The following POLD1 variants were observed in gnomAD, a reference collection of about 807,000 sequenced individuals.
POLD1 encodes DNA polymerase delta catalytic subunit.
Under a neutral mutation model 129.7 loss-of-function variants are expected in POLD1, and 79 were observed. The observed-to-expected ratio is 0.61, with a 90% confidence interval of 0.51 to 0.73. The LOEUF is 0.73. Ranked by LOEUF, POLD1 falls within the 30% of genes least tolerant of loss-of-function variation. The pLI, the probability that POLD1 is intolerant of heterozygous loss-of-function variation, is 0.00. For synonymous variants in POLD1, 714 were observed against 683.3 expected (o/e 1.04, Z -0.70); for missense variants, 1,338 against 1,595.8 (o/e 0.84, Z 2.75).
intron 1 of POLD1, among the ~76,000 whole-genome samples, chr19:50,397,651 C>T (rs1023063274): frequency 2.0e-5 from 3 of 152,106 alleles, no homozygotes; most frequent in Admixed American, 6.6e-5. Flanking sequence ...GATCCGCCCA[C>T]CTTGGCCTCC....
chr19:50,415,314 G>T (rs1239741295), intron 20 of POLD1, 124 bp from the exon 21 acceptor site: 1 of 962,206 alleles, frequency 1.0e-6, no homozygotes, highest in Non-Finnish European at 1.6e-6. Flanking sequence ...GGTAGGAAGG[G>T]CCCCTCTCTG....
intron 3 of POLD1, 55 bp downstream of exon 3, chr19:50,399,539 C>A: frequency 7.4e-7 from 1 of 1,358,180 alleles, no homozygotes; most frequent in Admixed American, 1.7e-5. Context: ...GGGGCAGAGG[C>A]CGGGCCAGGT....
chr19:50,415,010 T>G lies in POLD1; in HGVS notation c.2564+20T>G. 6.6e-7 allele frequency: 1 copy of G among 1,519,110 alleles called. No homozygotes were observed. The highest frequency in any genetic ancestry group is 8.9e-7 in the Non-Finnish European group (1 of 1,129,238). The allele number at this position is 1,519,110 out of a possible 1,614,324, so 94.1% of individuals were successfully genotyped here. A position where few individuals can be genotyped will look rare whatever the true frequency, so the allele number is the denominator to read the frequency against. ...CGACCGGTGTGTGGGGCCTCCTCCCTCAGACTCAGGGGGCTGGGCCCCAAA... is the reference window on the plus strand; with the variant it reads ...CGACCGGTGTGTGGGGCCTCCTCCCGCAGACTCAGGGGGCTGGGCCCCAAA... On this transcript the variant is annotated intron_variant, in intron 20 of 26. Transcript: ENST00000440232.
At chr19:50,413,996 C>A in intron 19 of POLD1, 117 bp downstream of exon 19, 1 of 1,119,060 alleles carries the variant, frequency 8.9e-7, no homozygotes, top group African/African-American at 1.6e-5. Context: ...CTTAGATTCT[C>A]CTGAGGCTGG....
At chr19:50,401,389 ATATTTT>A (rs1324650305) in intron 3 of POLD1, among the ~76,000 whole-genome samples, 99 of 60,212 alleles carry the variant, frequency 1.6e-3, no homozygotes, top group African/African-American at 5.4e-3. Flanking sequence ...ATATATATAT[ATATTTT>A]TTTTTTTTTT....
chr19:50,392,564 G>C (rs890728354), intron 1 of POLD1, among the ~76,000 whole-genome samples: 3 of 151,392 alleles, frequency 2.0e-5, no homozygotes, highest in African/African-American at 7.3e-5. Flanking sequence ...TGCAACCTCT[G>C]CCTCCCAGGT....
rs531771052 is a variant in POLD1 at position 50,417,777 on chromosome 19, C to A, written c.3219-65C>A. 6.7e-4 allele frequency: 673 copies of A among 1,007,384 alleles called. 5 individuals are homozygous for A. In the South Asian group the frequency reaches 8.8e-3, roughly 13 times the overall value. 62.4% of individuals were successfully genotyped at this position (1,007,384 alleles called of 1,614,324 possible). On this transcript the variant is annotated intron_variant, in intron 26 of 26. Transcript: ENST00000440232. The stretch of plus-strand genomic sequence containing the variant: ...ACCAAAGTCCTGGGAACAGCCCCCA[C>A]CCCTCTCCCAGGCTGGGCACTGGGC...
chr19:50,415,667 G>GCCCCCCCCC, intron 21 of POLD1, 57 bp from the exon 22 acceptor site: 1 of 1,462,194 alleles, frequency 6.8e-7, no homozygotes. Context: ...CTACACCCTC[G>GCCCCCCCCC]CCCCCACCCC....
chr19:50,386,973 A>T (rs2037992933), intron 1 of POLD1, among the ~76,000 whole-genome samples: 1 of 152,178 alleles, frequency 6.6e-6, no homozygotes, highest in Non-Finnish European at 1.5e-5. Context: ...CGGGCAGATC[A>T]TGAGGTCAGG....
In POLD1 at chr19:50,391,634, C is replaced by T. The variant is rs369176333; in HGVS notation, c.-1-7217C>T. On this transcript the variant is annotated intron_variant, in intron 1 of 26. Transcript: ENST00000440232. ...ATCAGGCAGGGAGGTTGCCGTGAGC[C>T]GAGATGGCGGCAGCACAGTCCAGCC... Among the ~76,000 whole-genome samples the T allele has an allele frequency of 4.2e-5, 6 of 142,758 alleles. No individual in the cohort carries two copies. In the South Asian group the frequency reaches 1.3e-3, roughly 32 times the overall value. 93.7% of individuals were successfully genotyped at this position (142,758 alleles called of 152,430 possible).
At chr19:50,413,361 C>T (rs929745591) in intron 17 of POLD1, 65 bp from the exon 18 acceptor site, 54 of 1,368,366 alleles carry the variant, frequency 3.9e-5, no homozygotes, top group South Asian at 6.1e-5. Context: ...ACCCCTCCCC[C>T]GCCGGCCCAC....
chr19:50,415,981 C>A (rs931687690), intron 22 of POLD1, 155 bp downstream of exon 22: 1 of 613,396 alleles, frequency 1.6e-6, no homozygotes, highest in Admixed American at 3.0e-5. Context: ...CCTCGGCCCC[C>A]TCTGGAGGTC....
At chr19:50,397,136 C>T (rs2038399402) in intron 1 of POLD1, among the ~76,000 whole-genome samples, 1 of 149,996 alleles carries the variant, frequency 6.7e-6, no homozygotes, top group African/African-American at 2.5e-5. Context: ...TGGTGGCTCA[C>T]GCCTGAAATC....
intron 18 of POLD1, 70 bp from the exon 19 acceptor site, chr19:50,413,672 C>T (rs1288682643): frequency 5.8e-6 from 9 of 1,553,458 alleles, no homozygotes; most frequent in Non-Finnish European, 7.8e-6. Context: ...AGCCACCTGC[C>T]ACCCCCCGAC....
At chr19:50,407,519 C>T (rs1044244406) in intron 14 of POLD1, 104 bp downstream of exon 14, 17 of 532,228 alleles carry the variant, frequency 3.2e-5, no homozygotes, top group Non-Finnish European at 5.0e-5. Context: ...GGCAACATAG[C>T]GAGGCCCCTG....
At chr19:50,410,276 A>G (rs1411987232) in intron 17 of POLD1, among the ~76,000 whole-genome samples, 1 of 152,158 alleles carries the variant, frequency 6.6e-6, no homozygotes, top group Non-Finnish European at 1.5e-5. Context: ...AGGGCCTCGG[A>G]AGGGTCTTCC....
In POLD1 at chr19:50,415,597, C is replaced by T. The variant is rs767410345; in HGVS notation, c.2717+7C>T. 62 of 1,608,858 alleles carry T rather than the reference C, an allele frequency of 3.9e-5. No homozygotes were observed. The highest frequency in any genetic ancestry group is 5.5e-5 in the South Asian group (5 of 90,822). ...ACGTGGAGCTGGCCGAGAGGTCCTG[C>T]GCGGGGCGGGTGGCCTGGCCAGAAA... On this transcript the variant is annotated splice_region_variant and intron_variant, in intron 21 of 26. Coordinates refer to ENST00000440232, the MANE Select transcript of POLD1 (RefSeq NM_002691.4).
chr19:50,398,594 C>T (rs1030904848), intron 1 of POLD1, among the ~76,000 whole-genome samples: 10 of 92,084 alleles, frequency 1.1e-4, no homozygotes, highest in African/African-American at 4.3e-4. Context: ...AAAAAAAAAG[C>T]AAGAGATGTG....
Position 50,406,371 on chromosome 19 carries a change from C to T in POLD1, c.1384-36C>T, listed in dbSNP as rs538253749. The T allele has an allele frequency of 9.9e-6, 16 of 1,610,644 alleles. No individual in the cohort carries two copies. The South Asian group carries it at 1.8e-4, about 18-fold the overall frequency. Reference sequence around the variant, plus strand: ...TCCCTGTCCTTGGAAGGCCACTGCCCAGGCCCGCAGCCCACCAGCCCACCC... The same window carrying T: ...TCCCTGTCCTTGGAAGGCCACTGCCTAGGCCCGCAGCCCACCAGCCCACCC... On this transcript the variant is annotated intron_variant, in intron 11 of 26. Transcript: ENST00000440232. This position sits in a 1 kb window ranked among gnomAD's most constrained non-coding sequence, Gnocchi z 5.5.
Sources: gnomAD v4.1 joint callset for allele counts (sites outside exome capture counted in the v4.1 genomes callset) on GRCh38, gnomAD v4.1.1 for gene constraint, Gnocchi (gnomAD v3.1) non-coding constraint, MANE v1.5 for transcripts, NCBI Gene and HGNC (gene_info 2026-07-23, HGNC 2026-07-21) for gene names.